Variants in OVCH1 observed in about 807,000 individuals in gnomAD.
The protein encoded by OVCH1 is ovochymase 1.
A neutral mutation model predicts 138.4 loss-of-function variants in OVCH1; 139 were observed. The ratio of observed to expected loss-of-function variants is 1.00; its 90% CI spans 0.87 to 1.16. OVCH1 has a LOEUF of 1.16. OVCH1 is among the 50% of genes most tolerant of loss of function. OVCH1 has a pLI of 0.00. For missense variants in OVCH1, 1,367 were observed against 1,357.9 expected, an observed-to-expected ratio of 1.01 and a Z score of -0.11; for synonymous variants, 453 against 467.8, an observed-to-expected ratio of 0.97 and a Z score of 0.41.
intron 13 of OVCH1, 110 bp downstream of exon 13, chr12:29,476,096 A>G: frequency 1.1e-6 from 1 of 872,606 alleles, no homozygotes; most frequent in East Asian, 2.4e-5. Context: ...TTTCCAAAGC[A>G]AGAAATTCAC....
chr12:29,446,924 A>C (rs919265560), intron 22 of OVCH1, among the ~76,000 whole-genome samples: 1 of 151,916 alleles, frequency 6.6e-6, no homozygotes, highest in Non-Finnish European at 1.5e-5. Flanking sequence ...GGATACATTT[A>C]AACAACTAAA....
the OVCH1 span, among the ~76,000 whole-genome samples, chr12:29,403,444 A>G: frequency 6.6e-6 from 1 of 152,186 alleles, no homozygotes; most frequent in South Asian, 2.1e-4. Flanking sequence ...TAGAAACCAA[A>G]TGATACATTT....
chr12:29,427,924 CT>C (rs1941205837), intron 27 of OVCH1, among the ~76,000 whole-genome samples: 1 of 152,130 alleles, frequency 6.6e-6, no homozygotes, highest in South Asian at 2.1e-4. Context: ...TTTGACACCT[CT>C]GAAATTTTGA....
At chr12:29,457,417 TTGGTG>T (rs1941988021) in intron 19 of OVCH1, among the ~76,000 whole-genome samples, 1 of 79,966 alleles carries the variant, frequency 1.3e-5, no homozygotes. Flanking sequence ...TTTTTTTTTT[TTGGTG>T]AGACAGAGTC....
intron 3 of OVCH1, among the ~76,000 whole-genome samples, chr12:29,412,911 A>G (rs1940978747): frequency 6.6e-6 from 1 of 152,186 alleles, no homozygotes; most frequent in Non-Finnish European, 1.5e-5. Flanking sequence ...GCAGTAGTGC[A>G]GTAGTAGCTC....
chr12:29,451,695 AC>A, intron 21 of OVCH1, 126 bp from the exon 22 acceptor site: 1 of 676,604 alleles, frequency 1.5e-6, no homozygotes, highest in Non-Finnish European at 2.5e-6. Context: ...ACTGTCAGTT[AC>A]AAATTATTCT....
chr12:29,477,359 C>T (rs1483479919), exon 11 of OVCH1: 1 of 1,613,954 alleles, frequency 6.2e-7, no homozygotes, highest in Non-Finnish European at 8.5e-7. Context: ...GACTTCTGTA[C>T]AGCAGTAACG....
At chr12:29,448,238 C>T (rs1941672435) in intron 22 of OVCH1, among the ~76,000 whole-genome samples, 1 of 150,186 alleles carries the variant, frequency 6.7e-6, no homozygotes, top group South Asian at 2.1e-4. Context: ...AGGCAGAGCT[C>T]AGGTGGTAAT....
At chr12:29,415,588 T>TA (rs1467032253) in intron 3 of OVCH1, among the ~76,000 whole-genome samples, 1 of 152,176 alleles carries the variant, frequency 6.6e-6, no homozygotes, top group Non-Finnish European at 1.5e-5. Context: ...TACTTAGGTA[T>TA]ACACTTAGCA....
chr12:29,429,188 A>G (rs1941228100), intron 27 of OVCH1, among the ~76,000 whole-genome samples: 1 of 152,228 alleles, frequency 6.6e-6, no homozygotes, highest in Admixed American at 6.5e-5. Context: ...GAGTAAATAC[A>G]TTTTCAAAAA....
At chr12:29,451,548 A>G (rs1245778293) in exon 22 of OVCH1, 2 of 1,611,620 alleles carry the variant, frequency 1.2e-6, no homozygotes, top group Non-Finnish European at 1.7e-6. Context: ...AGGCTTTTCT[A>G]GCTCTGCTTC....
intron 19 of OVCH1, among the ~76,000 whole-genome samples, chr12:29,458,371 CA>C (rs1180333941): frequency 0.011 from 1,582 of 141,286 alleles, 27 homozygotes; most frequent in African/African-American, 0.036. Context: ...GACAAAGGTG[CA>C]AAAAAAAAAA....
At chr12:29,490,981 A>G (rs764416630) in intron 5 of OVCH1, 116 bp downstream of exon 5, 8 of 818,324 alleles carry the variant, frequency 9.8e-6, no homozygotes, top group Non-Finnish European at 1.6e-5. Context: ...TCGTTGTGTC[A>G]GAAATTAGTT....
intron 14 of OVCH1, 100 bp downstream of exon 14, chr12:29,474,961 G>A (rs1303899060): frequency 7.7e-7 from 1 of 1,293,528 alleles, no homozygotes; most frequent in Non-Finnish European, 1.0e-6. Context: ...TGCTTACCAA[G>A]GGGATTGCTA....
chr12:29,495,445 C>T lies in OVCH1; in HGVS notation c.294G>A (p.Lys98=), dbSNP rs745617844. 1.9e-6 allele frequency: 3 copies of T among 1,612,358 alleles called. No homozygotes were observed. In the South Asian group the frequency reaches 3.3e-5, roughly 18 times the overall value. Residue 98 remains lysine (K), a synonymous_variant, in exon 4 of 28, where the codon AAG becomes AAA. Transcript: ENST00000318184. Reference sequence around the variant, plus strand: ...ACTCCCCAGAAGTCACAGTTATATTCTTCAGCTGCTTCCTAAAACCAAAGA... The same window carrying T: ...ACTCCCCAGAAGTCACAGTTATATTTTTCAGCTGCTTCCTAAAACCAAAGA...
chr12:29,493,985 C>T (rs1255914662), intron 4 of OVCH1, among the ~76,000 whole-genome samples: 1 of 152,190 alleles, frequency 6.6e-6, no homozygotes, highest in Non-Finnish European at 1.5e-5. Flanking sequence ...CCTGGAACCA[C>T]TTTAAAATTT....
In OVCH1 at chr12:29,496,397, A is replaced by G. The variant is rs574290203; in HGVS notation, c.184-119T>C. 4.3e-4 allele frequency: 504 copies of G among 1,165,988 alleles called. 3 individuals are homozygous for G. The South Asian group carries it at 6.9e-3, about 16-fold the overall frequency. 72.2% of individuals were successfully genotyped at this position (1,165,988 alleles called of 1,614,324 possible). On this transcript the variant is annotated intron_variant, in intron 2 of 27. Transcript: ENST00000318184. ...ATAATATTCTTAAAATACCGACATAAATTGGATAGTAAGATAGTTCCTACG... is the reference window on the plus strand; with the variant it reads ...ATAATATTCTTAAAATACCGACATAGATTGGATAGTAAGATAGTTCCTACG...
At chr12:29,428,280 C>T (rs1430024046) in intron 27 of OVCH1, among the ~76,000 whole-genome samples, 1 of 152,196 alleles carries the variant, frequency 6.6e-6, no homozygotes, top group Admixed American at 6.5e-5. Flanking sequence ...CGTAAAATTG[C>T]TCTACTTCCT....
chr12:29,462,630 A>C (rs1028991324), intron 18 of OVCH1, among the ~76,000 whole-genome samples: 1 of 152,082 alleles, frequency 6.6e-6, no homozygotes, highest in Non-Finnish European at 1.5e-5. Context: ...TTAATATTTT[A>C]TAGCCCTATA....
Sources: gnomAD v4.1 joint callset for allele counts (sites outside exome capture counted in the v4.1 genomes callset) on GRCh38, gnomAD v4.1.1 for gene constraint, MANE v1.5 for transcripts, NCBI Gene and HGNC (gene_info 2026-07-23, HGNC 2026-07-21) for gene names.